The following CTSB variants were observed in gnomAD, a reference collection of about 807,000 sequenced individuals.
The protein encoded by CTSB is APP secretase.
A neutral mutation model predicts 44.3 loss-of-function variants in CTSB; 57 were observed. The observed-to-expected ratio is 1.29, with a 90% CI of 1.04 to 1.60. The LOEUF (loss-of-function observed/expected upper bound fraction) is 1.60. CTSB is among the 40% of genes most tolerant of loss of function. CTSB has a pLI of 0.00. For synonymous variants in CTSB, 320 were observed against 168.0 expected, an observed-to-expected ratio of 1.91 and a Z score of -7.00; for missense variants, 768 against 443.0, an observed-to-expected ratio of 1.73 and a Z score of -6.59.
intron 1 of CTSB, among the ~76,000 whole-genome samples, chr8:11,858,134 G>A (rs1021132461): frequency 3.9e-5 from 6 of 152,288 alleles, no homozygotes; most frequent in East Asian, 3.9e-4. Context: ...GGACCAAAGC[G>A]CCGGCACATG....
chr8:11,851,060 G>T, intron 3 of CTSB, 80 bp from the exon 4 acceptor site: 1 of 912,094 alleles, frequency 1.1e-6, no homozygotes, highest in Non-Finnish European at 1.7e-6. Flanking sequence ...CTTTGGCTGG[G>T]CCACACTCCC....
chr8:11,847,870 G>C lies in CTSB; in HGVS notation c.533-48C>G, dbSNP rs199765234. 4.5e-6 allele frequency: 7 copies of C among 1,540,512 alleles called. No homozygotes were observed. The East Asian group carries it at 1.1e-4, about 25-fold the overall frequency. On this transcript the variant is annotated intron_variant, in intron 6 of 9. Transcript: ENST00000353047. ...GGAGTCAACCTACAGCCCCCACGGA[G>C]AAGACCTGGGGCAAGGCAAGCCTCG...
chr8:11,846,663 C>T (rs913080739), intron 8 of CTSB, among the ~76,000 whole-genome samples: 2 of 152,186 alleles, frequency 1.3e-5, no homozygotes, highest in East Asian at 1.9e-4. Flanking sequence ...AGTGCAAACA[C>T]GAACGGCCTG....
At chr8:11,853,556 G>C (rs1406143930) in intron 1 of CTSB, 77 bp from the exon 2 acceptor site, 62 of 1,401,200 alleles carry the variant, frequency 4.4e-5, no homozygotes, top group Non-Finnish European at 5.7e-5. Context: ...GCACCGTCTC[G>C]GGCATCAGTG....
chr8:11,863,082 G>C (rs973475915), intron 1 of CTSB, among the ~76,000 whole-genome samples: 2 of 152,222 alleles, frequency 1.3e-5, no homozygotes, highest in Non-Finnish European at 2.9e-5. Flanking sequence ...GGAGGCCAAG[G>C]TGGGAAGATT....
chr8:11,852,664 C>A lies in CTSB; in HGVS notation c.158G>T (p.Ser53Ile). 1.9e-6 allele frequency: 3 copies of A among 1,614,110 alleles called. No individual in the cohort carries two copies. The highest frequency in any genetic ancestry group is 2.5e-6 in the Non-Finnish European group (3 of 1,180,020). The change falls in exon 3 of 10, where the codon AGC becomes ATC. Residue 53 changes from serine (S) to isoleucine (I), a missense_variant. Coordinates refer to ENST00000353047, the MANE Select transcript of CTSB (RefSeq NM_001908.5). ...GGTACCACATAGCCTCTTCAAGTAG[C>A]TCATGTCCACGTTGTAGAAGTTGTG... ...AGHNFYNVDM[S>I]YLKRLCGTFL...
rs1563370109 is a variant in CTSB, at chr8:11,844,261, C to T, written c.*864G>A. ...GATTCTCTGCAGGGACAAAGAGAGA[C>T]AGCAGCTACAAGTCTATAGGCAGTG... On this transcript the variant is annotated 3_prime_UTR_variant, in exon 10 of 10. Coordinates refer to ENST00000353047, the MANE Select transcript of CTSB (RefSeq NM_001908.5). 1 of 152,232 alleles carries T rather than the reference C, an allele frequency of 6.6e-6. No homozygotes were observed. The highest frequency in any genetic ancestry group is 1.5e-5 in the Non-Finnish European group (1 of 68,050). The allele number at this position is 152,232 out of a possible 1,614,324, so 9.4% of individuals were successfully genotyped here.
chr8:11,858,355 C>G (rs983908475), intron 1 of CTSB, among the ~76,000 whole-genome samples: 20 of 152,196 alleles, frequency 1.3e-4, no homozygotes, highest in African/African-American at 4.8e-4. Context: ...AGTGCAGTGG[C>G]ACGATCATGG....
chr8:11,861,494 T>C (rs539178331), intron 1 of CTSB: 1 of 152,372 alleles, frequency 6.6e-6, no homozygotes, highest in South Asian at 2.1e-4. Flanking sequence ...GAGTGGAATA[T>C]TGTACAAGGT....
intron 7 of CTSB, 38 bp downstream of exon 7, chr8:11,847,641 C>A: frequency 2.7e-6 from 4 of 1,502,198 alleles, no homozygotes; most frequent in Non-Finnish European, 3.5e-6. Context: ...AGCTCCCCAG[C>A]CTCCACGTGC....
rs1143010 is a variant in CTSB at position 11,843,016 on chromosome 8, T to G, written c.*2109A>C. On this transcript the variant is annotated 3_prime_UTR_variant, in exon 10 of 10. Coordinates refer to ENST00000353047, the MANE Select transcript of CTSB (RefSeq NM_001908.5). ...GAGGCTGGAGTGCACTGGCACTGTCTTGGCTCACTGCAACCTCCGCCTCCC... is the reference window on the plus strand; with the variant it reads ...GAGGCTGGAGTGCACTGGCACTGTCGTGGCTCACTGCAACCTCCGCCTCCC... The G allele has an allele frequency of 6.8e-6, 1 of 147,562 alleles. No homozygotes were observed. The highest frequency in any genetic ancestry group is 1.5e-5 in the Non-Finnish European group (1 of 67,498). The allele number at this position is 147,562 out of a possible 1,614,324, so 9.1% of individuals were successfully genotyped here.
At chr8:11,848,832 AC>A in intron 5 of CTSB, 1 of 482,600 alleles carries the variant, frequency 2.1e-6, no homozygotes, top group Non-Finnish European at 3.8e-6. Context: ...CTGGGATGCC[AC>A]CCCTCAGACA....
intron 8 of CTSB, among the ~76,000 whole-genome samples, chr8:11,846,645 TG>T (rs1302734855): frequency 3.3e-5 from 5 of 152,284 alleles, no homozygotes; most frequent in African/African-American, 1.2e-4. Flanking sequence ...GAAGAAAATG[TG>T]TCAGCCAGTG....
In CTSB at chr8:11,842,919, G is replaced by C. The variant is rs1282831821; in HGVS notation, c.*2206C>G. ...CCCAAAGTGCTGGGATTACAGGCTT[G>C]AGCCACTGCGCCCGGCCTTTTTTTT... On this transcript the variant is annotated 3_prime_UTR_variant, in exon 10 of 10. Coordinates refer to ENST00000353047, the MANE Select transcript of CTSB (RefSeq NM_001908.5). The C allele has an allele frequency of 7.0e-6, 1 of 143,064 alleles. No individual in the cohort carries two copies. Among genetic ancestry groups the C allele is most frequent in the Non-Finnish European group, 1.5e-5 (1 of 66,746 alleles). 8.9% of individuals were successfully genotyped at this position (143,064 alleles called of 1,614,324 possible).
In CTSB at chr8:11,844,815, T is replaced by C; in HGVS notation, c.*310A>G. ...GCTTTCCATTCCTGCGTCTCTGTCT[T>C]GCTCCCTGGAGATGGATGGATCACG... On this transcript the variant is annotated 3_prime_UTR_variant, in exon 10 of 10. Coordinates refer to ENST00000353047, the MANE Select transcript of CTSB (RefSeq NM_001908.5). 1 of 327,638 alleles carries C rather than the reference T, an allele frequency of 3.1e-6. No homozygotes were observed. 20.3% of individuals were successfully genotyped at this position (327,638 alleles called of 1,614,324 possible).
At chr8:11,855,734 TTCAACCGGCATGGTGGC>T (rs1167333689) in intron 1 of CTSB, among the ~76,000 whole-genome samples, 16 of 151,990 alleles carry the variant, frequency 1.1e-4, no homozygotes, top group Admixed American at 6.5e-4. Context: ...TAAAAATAAG[TTCAACCGGCATGGTGGC>T]TCAAGCTTGT....
intron 4 of CTSB, 24 bp from the exon 5 acceptor site, chr8:11,849,188 T>A: frequency 6.3e-7 from 1 of 1,599,394 alleles, no homozygotes; most frequent in Non-Finnish European, 8.5e-7. Flanking sequence ...CCCCACCGGG[T>A]GAGGCTGCCA....
At chr8:11,861,838 C>T (rs748716125) in intron 1 of CTSB, among the ~76,000 whole-genome samples, 48 of 152,174 alleles carry the variant, frequency 3.2e-4, no homozygotes, top group Non-Finnish European at 5.7e-4. Flanking sequence ...TTGCAGAACA[C>T]GGCGGTTCCC....
intron 1 of CTSB, among the ~76,000 whole-genome samples, chr8:11,855,105 C>A (rs1417867609): frequency 6.6e-6 from 1 of 152,192 alleles, no homozygotes; most frequent in Non-Finnish European, 1.5e-5. Context: ...TCACTGCAAC[C>A]TCTGCCTCCT....
Sources: gnomAD v4.1 joint callset for allele counts (sites outside exome capture counted in the v4.1 genomes callset) on GRCh38, gnomAD v4.1.1 for gene constraint, MANE v1.5 for transcripts, NCBI Gene and HGNC (gene_info 2026-07-23, HGNC 2026-07-21) for gene names.